The following ZNF558 variants were observed in gnomAD, a reference collection of about 807,000 sequenced individuals.
ZNF558 encodes zinc finger protein 558.
ZNF558 carries 23 observed loss-of-function variants against 37.6 expected under a neutral mutation model. The ratio of observed to expected loss-of-function variants is 0.61; its 90% CI spans 0.44 to 0.87. The LOEUF is 0.87. ZNF558 is among the 40% of genes least tolerant of loss of function. The pLI is 0.00. For synonymous variants in ZNF558, 189 were observed against 174.4 expected, an observed-to-expected ratio of 1.08 and a Z score of -0.66; for missense variants, 429 against 483.7, an observed-to-expected ratio of 0.89 and a Z score of 1.06.
intron 2 of ZNF558, among the ~76,000 whole-genome samples, 189 bp from the exon 3 acceptor site, chr19:8,825,297 G>C (rs1258243735): frequency 1.3e-5 from 2 of 152,204 alleles, no homozygotes; most frequent in East Asian, 3.9e-4. Context: ...GTAGGGGATT[G>C]GGTGAATAAA....
chr19:8,815,338 G>C lies in ZNF558; in HGVS notation c.248-2116C>G, dbSNP rs138149820. On this transcript the variant is annotated intron_variant, in intron 7 of 9. Transcript: ENST00000601372. ...AAATACAAAAAATGGAAAACATTAA[G>C]AGACAGAAACTTTAGGAAGGCAAAT... Among the ~76,000 whole-genome samples the C allele has an allele frequency of 4.6e-5, 7 of 152,228 alleles. No individual in the cohort carries two copies. The East Asian group carries it at 1.3e-3, about 29-fold the overall frequency.
At chr19:8,833,450 A>C (rs1256566870), upstream of ZNF558, 1 of 152,226 alleles carries the variant, frequency 6.6e-6, no homozygotes, top group East Asian at 1.9e-4. Flanking sequence ...TTTCTCCTCT[A>C]TCTTTCCAGA....
At chr19:8,825,598 T>TA (rs141769550) in intron 2 of ZNF558, among the ~76,000 whole-genome samples, 8,349 of 152,210 alleles carry the variant, frequency 0.055, 755 homozygotes, top group African/African-American at 0.19. Flanking sequence ...ATTTATAGAA[T>TA]AAAACGTAAC....
chr19:8,813,245 T>C, intron 7 of ZNF558, 23 bp from the exon 8 acceptor site: 3 of 1,551,218 alleles, frequency 1.9e-6, no homozygotes, highest in Non-Finnish European at 2.6e-6. Flanking sequence ...ACAATACACA[T>C]GATATAGGTA....
At position 8,811,614 on chromosome 19, in the gene ZNF558, A is replaced by T; in HGVS notation, c.876T>A (p.Tyr292Ter). The change falls in exon 10 of 10, where the codon TAT becomes TAA. Residue 292 changes from tyrosine (Y) to a stop codon, truncating the protein, a stop_gained. Transcript: ENST00000601372. LOFTEE classifies it high-confidence loss of function. Reference sequence around the variant, plus strand: ...AGGTTTTCCCACAATCGTGACATTCATAAGGTTTCTCCCCTGTATGAATGC... The same window carrying T: ...AGGTTTTCCCACAATCGTGACATTCTTAAGGTTTCTCCCCTGTATGAATGC... ...HNSIHTGEKPYECHDCGKTFR... is the reference protein window; with the variant it reads ...HNSIHTGEKP 6.2e-7 allele frequency: 1 copy of T among 1,614,174 alleles called. No homozygotes were observed. The highest frequency in any genetic ancestry group is 8.5e-7 in the Non-Finnish European group (1 of 1,180,024).
chr19:8,811,233 G>C lies in ZNF558; in HGVS notation c.*48C>G. 1 of 1,499,516 alleles carries C rather than the reference G, an allele frequency of 6.7e-7. No homozygotes were observed. The highest frequency in any genetic ancestry group is 8.9e-7 in the Non-Finnish European group (1 of 1,118,798). The allele number at this position is 1,499,516 out of a possible 1,614,324, so 92.9% of individuals were successfully genotyped here. The stretch of plus-strand genomic sequence containing the variant: ...GTGTGAGCTCTCTCAAACTATCTTA[G>C]GGATGAAAGATCAATGAGTGCTTTC... On this transcript the variant is annotated 3_prime_UTR_variant, in exon 10 of 10. Coordinates refer to ENST00000601372, the MANE Select transcript of ZNF558 (RefSeq NM_144693.3).
chr19:8,812,118 T>C (rs2043809850), intron 9 of ZNF558, 55 bp from the exon 10 acceptor site: 1 of 1,378,308 alleles, frequency 7.3e-7, no homozygotes. Flanking sequence ...AAATACTTAA[T>C]GTTCTCCTAG....
intron 6 of ZNF558, chr19:8,821,692 G>GA (rs1224630172): frequency 6.9e-6 from 9 of 1,305,476 alleles, no homozygotes; most frequent in Non-Finnish European, 8.8e-6. Flanking sequence ...CTTGGTAAGT[G>GA]AATGACTGAT....
rs2043722341 is a variant in ZNF558, at chr19:8,808,533, AAAAAG to A, written c.*2743_*2747del. On this transcript the variant is annotated 3_prime_UTR_variant, in exon 10 of 10. Coordinates refer to ENST00000601372, the MANE Select transcript of ZNF558 (RefSeq NM_144693.3). ...CACCTCTATCACTAAATAAGGTTAGAAAAAGAAATCTGAACATACGTACTGTACTT... is the reference window on the plus strand; with the variant it reads ...CACCTCTATCACTAAATAAGGTTAGAAAATCTGAACATACGTACTGTACTT... 1 of 152,212 alleles carries A rather than the reference AAAAAG, an allele frequency of 6.6e-6. No individual in the cohort carries two copies. The highest frequency in any genetic ancestry group is 2.4e-5 in the African/African-American group (1 of 41,452). 9.4% of individuals were successfully genotyped at this position (152,212 alleles called of 1,614,324 possible).
chr19:8,831,847 C>A (rs11671890), intron 1 of ZNF558, among the ~76,000 whole-genome samples: 1 of 152,026 alleles, frequency 6.6e-6, no homozygotes, highest in Non-Finnish European at 1.5e-5. Flanking sequence ...CTGTCCTGTA[C>A]AACGTAGGAT....
At chr19:8,825,228 G>C (rs564406271) in intron 2 of ZNF558, 120 bp from the exon 3 acceptor site, 1 of 152,344 alleles carries the variant, frequency 6.6e-6, no homozygotes, top group South Asian at 2.1e-4. Flanking sequence ...CGTGTAAGAT[G>C]ATTCGCTGTG....
chr19:8,818,786 T>C (rs903933509), intron 7 of ZNF558, among the ~76,000 whole-genome samples: 4 of 152,184 alleles, frequency 2.6e-5, no homozygotes, highest in African/African-American at 9.7e-5. Flanking sequence ...TCCCTGCACT[T>C]TGGGAGGCCC....
chr19:8,829,594 G>T (rs1195196208), intron 2 of ZNF558, among the ~76,000 whole-genome samples: 1 of 151,990 alleles, frequency 6.6e-6, no homozygotes, highest in African/African-American at 2.4e-5. Flanking sequence ...GTAGGACAGG[G>T]GCCATTTCAG....
chr19:8,809,216 A>C lies in ZNF558; in HGVS notation c.*2065T>G, dbSNP rs181920549. The C allele has an allele frequency of 5.3e-5, 8 of 152,350 alleles. No individual in the cohort carries two copies. The highest frequency in any genetic ancestry group is 2.1e-4 in the South Asian group (1 of 4,830). The allele number at this position is 152,350 out of a possible 1,614,324, so 9.4% of individuals were successfully genotyped here. ...GGTTTCTGTCATTGTGGTCAAAAAGAAGCTCTTCAAACTCTAGACCTTGAG... is the reference window on the plus strand; with the variant it reads ...GGTTTCTGTCATTGTGGTCAAAAAGCAGCTCTTCAAACTCTAGACCTTGAG... On this transcript the variant is annotated 3_prime_UTR_variant, in exon 10 of 10. Transcript: ENST00000601372.
chr19:8,835,317 G>T (rs2044443966), upstream of ZNF558, among the ~76,000 whole-genome samples: 1 of 152,126 alleles, frequency 6.6e-6, no homozygotes, highest in Non-Finnish European at 1.5e-5. Flanking sequence ...CTCCCTAAGT[G>T]CTGGGATTAC....
At position 8,806,322 on chromosome 19, in the gene ZNF558, T is replaced by C. The variant is rs949079950; in HGVS notation, c.*4959A>G. ...ATTCCTGGAATTATGTATGTCTCTA[T>C]GGAATCATTTTCCTGAAGCCTGAAG... On this transcript the variant is annotated 3_prime_UTR_variant, in exon 10 of 10. Transcript: ENST00000601372. 6.6e-6 allele frequency: 1 copy of C among 152,210 alleles called. No homozygotes were observed. Among genetic ancestry groups the C allele is most frequent in the Non-Finnish European group, 1.5e-5 (1 of 68,038 alleles). The allele number at this position is 152,210 out of a possible 1,614,324, so 9.4% of individuals were successfully genotyped here.
In ZNF558 at chr19:8,813,182, T is replaced by C. The variant is rs146755107; in HGVS notation, c.288A>G (p.Glu96=). ...CCTCTGTCACCACCTTCTTGTCTTGTTCCAACTGGGATATCAGACTGGGTT... is the reference window on the plus strand; with the variant it reads ...CCTCTGTCACCACCTTCTTGTCTTGCTCCAACTGGGATATCAGACTGGGTT... ...VNKPSLISQL[E]QDKKVVTEER... is the part of the protein sequence containing the mutation. Residue 96 remains glutamate, a synonymous_variant, in exon 8 of 10, where the codon GAA becomes GAG. Transcript: ENST00000601372. The C allele has an allele frequency of 7.2e-5, 115 of 1,600,086 alleles. No individual in the cohort carries two copies. In the African/African-American group the frequency reaches 1.3e-3, roughly 19 times the overall value.
rs1001481774 is a variant in ZNF558 at position 8,822,774 on chromosome 19, G to A, written c.-65-50C>T. 1.5e-5 allele frequency: 24 copies of A among 1,548,678 alleles called. No homozygotes were observed. Among genetic ancestry groups the A allele is most frequent in the Non-Finnish European group, 1.8e-5 (20 of 1,130,670 alleles). On this transcript the variant is annotated intron_variant, in intron 4 of 9. Transcript: ENST00000601372. This position sits in a 1 kb window ranked among gnomAD's most constrained non-coding sequence, Gnocchi z 4.4. ...GTCTCCGTGGCCTCCTCCCTCTCGG[G>A]CTGCTGGGGATGGGCCCTCCTCAAC...
At chr19:8,821,644 G>A in intron 6 of ZNF558, 6 of 1,318,774 alleles carry the variant, frequency 4.5e-6, no homozygotes, top group South Asian at 1.8e-5. Context: ...ATCTCCAGGG[G>A]ATCATGGGCC....
Sources: gnomAD v4.1 joint callset for allele counts (sites outside exome capture counted in the v4.1 genomes callset) on GRCh38, gnomAD v4.1.1 for gene constraint, Gnocchi (gnomAD v3.1) non-coding constraint, MANE v1.5 for transcripts, NCBI Gene and HGNC (gene_info 2026-07-23, HGNC 2026-07-21) for gene names.